PPP2R2C: variants seen among roughly 807,000 people sequenced by gnomAD.
PPP2R2C encodes protein phosphatase 2 regulatory subunit Bgamma, also known as protein phosphatase 2, regulatory subunit B, gamma.
PPP2R2C carries 10 observed loss-of-function variants against 45.3 expected under a neutral mutation model. The ratio of observed to expected loss-of-function variants is 0.22; its 90% CI spans 0.14 to 0.37. The LOEUF (loss-of-function observed/expected upper bound fraction) is 0.37, where lower values mean the gene tolerates loss of function less well. Ranked by LOEUF, PPP2R2C falls within the 10% of genes least tolerant of loss-of-function variation. The pLI is 1.00. For missense variants in PPP2R2C, 308 were observed against 619.7 expected (o/e 0.50, Z 5.34); for synonymous variants, 257 against 245.4 (o/e 1.05, Z -0.44).
At chr4:6,414,644 A>C (rs1718446168) in intron 1 of PPP2R2C, among the ~76,000 whole-genome samples, 1 of 151,222 alleles carries the variant, frequency 6.6e-6, no homozygotes, top group Admixed American at 6.7e-5. Flanking sequence ...ATGGATGGGG[A>C]AACCGAGGCT....
intron 5 of PPP2R2C, chr4:6,350,509 CGT>C: frequency 1.0e-6 from 1 of 985,444 alleles, no homozygotes; most frequent in Non-Finnish European, 1.2e-6. Context: ...CGCCCAGGAA[CGT>C]GAGTCCCACA....
At chr4:6,525,150 A>T (rs978067280) in intron 2 of PPP2R2C, among the ~76,000 whole-genome samples, 1 of 152,188 alleles carries the variant, frequency 6.6e-6, no homozygotes, top group Admixed American at 6.5e-5. Context: ...CACACCTGTA[A>T]TCCCAGCACT....
intron 1 of PPP2R2C, among the ~76,000 whole-genome samples, chr4:6,430,204 T>C (rs1474926399): frequency 1.3e-5 from 2 of 152,162 alleles, no homozygotes; most frequent in East Asian, 1.9e-4. Flanking sequence ...ATGTCCTTGA[T>C]GGGATGGTGC....
chr4:6,359,455 T>C (rs1283318691), intron 5 of PPP2R2C, among the ~76,000 whole-genome samples: 3 of 152,132 alleles, frequency 2.0e-5, no homozygotes, highest in Non-Finnish European at 4.4e-5. Context: ...GTAACAAACA[T>C]GCACATTGTG....
chr4:6,424,052 C>A (rs1186888192), intron 1 of PPP2R2C, among the ~76,000 whole-genome samples: 1 of 152,222 alleles, frequency 6.6e-6, no homozygotes. Context: ...GAGGAAGGGC[C>A]ACGGCAGAAG....
intron 1 of PPP2R2C, among the ~76,000 whole-genome samples, chr4:6,443,989 T>G (rs1720293415): frequency 6.6e-6 from 1 of 152,106 alleles, no homozygotes; most frequent in South Asian, 2.1e-4. Context: ...GCGAGAGAGC[T>G]TGGAAACCCA....
chr4:6,441,913 G>A (rs185044016), intron 1 of PPP2R2C, among the ~76,000 whole-genome samples: 16 of 152,286 alleles, frequency 1.1e-4, no homozygotes, highest in South Asian at 4.1e-4. Context: ...CATGGCAGCT[G>A]TTCACCACCG....
intron 1 of PPP2R2C, among the ~76,000 whole-genome samples, chr4:6,561,413 C>T (rs1725575064): frequency 6.6e-6 from 1 of 150,632 alleles, no homozygotes; most frequent in Non-Finnish European, 1.5e-5. Context: ...CAGGGCCCTG[C>T]ATTTTCATTT....
intron 1 of PPP2R2C, chr4:6,420,904 G>A: frequency 1.0e-6 from 1 of 977,350 alleles, no homozygotes; most frequent in Non-Finnish European, 1.2e-6. Context: ...GGTAGATGAT[G>A]TCCCATCATC....
intron 2 of PPP2R2C, among the ~76,000 whole-genome samples, chr4:6,485,280 T>C (rs1722494683): frequency 6.6e-6 from 1 of 151,920 alleles, no homozygotes; most frequent in Non-Finnish European, 1.5e-5. Context: ...ATTATCCTTT[T>C]TGTGTATTGT....
chr4:6,538,215 C>T (rs1482052135), intron 1 of PPP2R2C, among the ~76,000 whole-genome samples: 1 of 152,148 alleles, frequency 6.6e-6, no homozygotes, highest in Non-Finnish European at 1.5e-5. Flanking sequence ...GGCACCCCTA[C>T]AAGTTGAATG....
chr4:6,333,744 A>G lies in PPP2R2C; in HGVS notation c.791-13T>C. On this transcript the variant is annotated splice_polypyrimidine_tract_variant and intron_variant, in intron 6 of 8. Transcript: ENST00000382599. Reference sequence around the variant, plus strand: ...GGCTCTTCAAAGACTGTGGAGACAGAGAAGCAATGGCCGTCACTGCGCTGC... The same window carrying G: ...GGCTCTTCAAAGACTGTGGAGACAGGGAAGCAATGGCCGTCACTGCGCTGC... 4 of 1,613,924 alleles carry G rather than the reference A, an allele frequency of 2.5e-6. No homozygotes were observed. The highest frequency in any genetic ancestry group is 3.4e-6 in the Non-Finnish European group (4 of 1,179,870).
intron 2 of PPP2R2C, among the ~76,000 whole-genome samples, chr4:6,509,093 C>T (rs1304192468): frequency 6.6e-6 from 1 of 152,240 alleles, no homozygotes; most frequent in Non-Finnish European, 1.5e-5. Flanking sequence ...GGATTTGCCA[C>T]TGCTAACAGT....
intron 1 of PPP2R2C, among the ~76,000 whole-genome samples, chr4:6,392,882 G>T (rs1716754307): frequency 6.6e-6 from 1 of 152,176 alleles, no homozygotes; most frequent in Admixed American, 6.5e-5. Context: ...TTAAGTAAGT[G>T]CCAGAGGAAG....
intron 1 of PPP2R2C, among the ~76,000 whole-genome samples, chr4:6,450,564 G>A (rs1337754247): frequency 3.3e-5 from 5 of 152,134 alleles, no homozygotes; most frequent in Admixed American, 6.5e-5. Context: ...AATGAAGGAC[G>A]GTGATAGGGG....
At chr4:6,538,314 C>T (rs539363846) in intron 1 of PPP2R2C, among the ~76,000 whole-genome samples, 7 of 152,240 alleles carry the variant, frequency 4.6e-5, no homozygotes, top group South Asian at 4.2e-4. Context: ...ACCCCACGGA[C>T]GCTTCCTCGG....
chr4:6,397,121 T>TG (rs1717091845), intron 1 of PPP2R2C, among the ~76,000 whole-genome samples: 1 of 152,218 alleles, frequency 6.6e-6, no homozygotes, highest in Non-Finnish European at 1.5e-5. Context: ...CCTCAGAGCT[T>TG]GGACTCCTCA....
chr4:6,337,569 T>A (rs553800574), intron 6 of PPP2R2C, among the ~76,000 whole-genome samples: 1 of 151,874 alleles, frequency 6.6e-6, no homozygotes, highest in African/African-American at 2.4e-5. Flanking sequence ...TGCTCAGGGG[T>A]CTCTCAGACC....
At chr4:6,402,802 G>A (rs1035841584) in intron 1 of PPP2R2C, among the ~76,000 whole-genome samples, 4 of 152,240 alleles carry the variant, frequency 2.6e-5, no homozygotes, top group South Asian at 4.1e-4. Context: ...CTGCTAGTGG[G>A]AGGCATTCAG....
Sources: allele counts gnomAD v4.1 joint callset (sites outside exome capture counted in the v4.1 genomes callset), GRCh38; gene constraint gnomAD v4.1.1; transcripts MANE v1.5; gene names NCBI Gene and HGNC (gene_info 2026-07-23, HGNC 2026-07-21).